The following PCDHGB1 variants were observed in gnomAD, a reference collection of about 807,000 sequenced individuals.
PCDHGB1 encodes the protein protocadherin gamma subfamily B, 1.
A neutral mutation model predicts 56.6 loss-of-function variants in PCDHGB1; 34 were observed. That is an observed-to-expected ratio of 0.60 (90% CI 0.46 to 0.80). The LOEUF is 0.80. PCDHGB1 is among the 30% of genes least tolerant of loss of function. The pLI is 0.00. For synonymous variants in PCDHGB1, 561 were observed against 505.9 expected, an observed-to-expected ratio of 1.11 and a Z score of -1.46; for missense variants, 1,278 against 1,204.6, an observed-to-expected ratio of 1.06 and a Z score of -0.90.
At chr5:141,376,807 C>T in intron 1 of PCDHGB1, 1 of 328,760 alleles carries the variant, frequency 3.0e-6, no homozygotes, top group Admixed American at 4.7e-5. Context: ...CTGCCTCAGC[C>T]TCCCTAGTAG....
intron 1 of PCDHGB1, among the ~76,000 whole-genome samples, chr5:141,471,118 A>G (rs58897068): frequency 0.11 from 15,938 of 141,604 alleles, 871 homozygotes; most frequent in South Asian, 0.16. Flanking sequence ...GTGCGATCTT[A>G]CCTTCACTGC....
intron 3 of PCDHGB1, among the ~76,000 whole-genome samples, chr5:141,509,420 G>A (rs1384424118): frequency 6.6e-6 from 1 of 152,128 alleles, no homozygotes; most frequent in East Asian, 1.9e-4. Context: ...GAGCCCCAAT[G>A]AGTCAAACTC....
chr5:141,461,510 G>T (rs2099016853), intron 1 of PCDHGB1, among the ~76,000 whole-genome samples: 1 of 152,014 alleles, frequency 6.6e-6, no homozygotes, highest in Non-Finnish European at 1.5e-5. Context: ...TTGGTGATTT[G>T]TTAGTTCCTT....
rs762443906 is a variant in PCDHGB1, at chr5:141,374,173, G to C, written c.2409+21504G>C. The C allele has an allele frequency of 3.1e-6, 5 of 1,613,352 alleles. No homozygotes were observed. The South Asian group carries it at 4.4e-5, about 14-fold the overall frequency. ...CGCTGTGGGGGGCCGCGGCAGCGCA[G>C]ATCCGCTACTCTATTCCCGAGGAGC... On this transcript the variant is annotated intron_variant, in intron 1 of 3. Coordinates refer to ENST00000523390, the MANE Select transcript of PCDHGB1 (RefSeq NM_018922.3).
Position 141,485,967 on chromosome 5 carries a change from A to G in PCDHGB1, c.2410-8840A>G, listed in dbSNP as rs751904053. 2.5e-6 allele frequency: 4 copies of G among 1,614,194 alleles called. No individual in the cohort carries two copies. The South Asian group carries it at 4.4e-5, about 18-fold the overall frequency. On this transcript the variant is annotated intron_variant, in intron 1 of 3. Transcript: ENST00000523390. This position sits in a 1 kb window ranked among gnomAD's most constrained non-coding sequence, Gnocchi z 5.7. The stretch of plus-strand genomic sequence containing the variant: ...GCGGGCATGGTGCTCATCCAGCTCA[A>G]TGCCTCAGACCCGGACCTGGGTCCC...
At chr5:141,386,634 G>A (rs1351043708) in intron 1 of PCDHGB1, among the ~76,000 whole-genome samples, 2 of 151,884 alleles carry the variant, frequency 1.3e-5, no homozygotes, top group Non-Finnish European at 2.9e-5. Context: ...CTGTCACCCA[G>A]GCTGGATACA....
Position 141,385,179 on chromosome 5 carries a change from C to T in PCDHGB1, c.2409+32510C>T, listed in dbSNP as rs1270655942. The T allele has an allele frequency of 7.4e-6, 12 of 1,614,194 alleles. No homozygotes were observed. In the South Asian group the frequency reaches 1.2e-4, roughly 16 times the overall value. On this transcript the variant is annotated intron_variant, in intron 1 of 3. Transcript: ENST00000523390. ...CCTATTCCCATGAGGTCTCCCTCAC[C>T]GCGGACTCTCGGAAGAGTCACCTGA...
At chr5:141,434,364 A>G (rs1023051594) in intron 1 of PCDHGB1, among the ~76,000 whole-genome samples, 1 of 152,208 alleles carries the variant, frequency 6.6e-6, no homozygotes, top group Non-Finnish European at 1.5e-5. Context: ...AAATCTGGCC[A>G]TAAACTGGCC....
intron 1 of PCDHGB1, chr5:141,385,444 G>C: frequency 6.9e-7 from 1 of 1,448,588 alleles, no homozygotes; most frequent in East Asian, 2.5e-5. Context: ...GTAAAAATGA[G>C]TTTACCAGTT....
chr5:141,472,065 G>C lies in PCDHGB1; in HGVS notation c.2410-22742G>C, dbSNP rs115025688. Among the ~76,000 whole-genome samples the C allele has an allele frequency of 1.7e-3, 265 of 152,218 alleles. 1 individual carries two copies. Among genetic ancestry groups the C allele is most frequent in the Middle Eastern group, 3.4e-3 (1 of 294 alleles). On this transcript the variant is annotated intron_variant, in intron 1 of 3. Coordinates refer to ENST00000523390, the MANE Select transcript of PCDHGB1 (RefSeq NM_018922.3). ...GATTTTAAAAATGATTGACATGTCT[G>C]TGGTTATATCAATGAGTACTATTAT...
intron 1 of PCDHGB1, chr5:141,384,930 C>G (rs764481830): frequency 6.2e-7 from 1 of 1,614,060 alleles, no homozygotes; most frequent in Admixed American, 1.7e-5. Context: ...ACCTGGGCAG[C>G]CTTGAGCCCT....
chr5:141,444,565 C>G (rs2098441175), intron 1 of PCDHGB1, among the ~76,000 whole-genome samples: 1 of 152,124 alleles, frequency 6.6e-6, no homozygotes, highest in Non-Finnish European at 1.5e-5. Flanking sequence ...TTATTTGACA[C>G]TTTTGACTCT....
At chr5:141,421,844 A>C (rs1261967247) in intron 1 of PCDHGB1, 2 of 1,613,740 alleles carry the variant, frequency 1.2e-6, no homozygotes, top group East Asian at 4.5e-5. Context: ...CGAGAGAAAG[A>C]GGCTGCTCAC....
chr5:141,428,115 G>A (rs753384738), intron 1 of PCDHGB1: 2 of 1,607,178 alleles, frequency 1.2e-6, no homozygotes, highest in Non-Finnish European at 8.5e-7. Flanking sequence ...GCAGGCCATC[G>A]AGCCCGGGCT....
chr5:141,430,485 G>T (rs926788879), intron 1 of PCDHGB1: 2 of 252,972 alleles, frequency 7.9e-6, no homozygotes, highest in Non-Finnish European at 7.4e-6. Flanking sequence ...ATATAAAAAC[G>T]AAATATCCTT....
chr5:141,460,582 G>A (rs1246329967), intron 1 of PCDHGB1, among the ~76,000 whole-genome samples: 2 of 152,022 alleles, frequency 1.3e-5, no homozygotes, highest in South Asian at 4.1e-4. Context: ...GTAGGTGTGG[G>A]TTTTTTCTGG....
At chr5:141,399,836 T>C (rs2093900703) in intron 1 of PCDHGB1, 2 of 1,613,080 alleles carry the variant, frequency 1.2e-6, no homozygotes, top group East Asian at 2.2e-5. Context: ...GGCTCTGCGC[T>C]CTTCGATATG....
At position 141,431,262 on chromosome 5, in the gene PCDHGB1, A is replaced by G. The variant is rs371663018; in HGVS notation, c.2410-63545A>G. The stretch of plus-strand genomic sequence containing the variant: ...CCGGATATCGGGAAGAACTCTCTGC[A>G]GAGCTACGAGCTCAGCCCGAACACT... On this transcript the variant is annotated intron_variant, in intron 1 of 3. Coordinates refer to ENST00000523390, the MANE Select transcript of PCDHGB1 (RefSeq NM_018922.3). The surrounding 1 kb of genome is among the most constrained non-coding windows in gnomAD (Gnocchi z 4.8). The G allele has an allele frequency of 2.6e-5, 42 of 1,614,184 alleles. No homozygotes were observed. In the African/African-American group the frequency reaches 2.7e-4, roughly 10 times the overall value.
In PCDHGB1 at chr5:141,487,237, T is replaced by A. The variant is rs1327004790; in HGVS notation, c.2410-7570T>A. 1.2e-6 allele frequency: 2 copies of A among 1,614,122 alleles called. No individual in the cohort carries two copies. The highest frequency in any genetic ancestry group is 1.7e-6 in the Non-Finnish European group (2 of 1,179,980). On this transcript the variant is annotated intron_variant, in intron 1 of 3. Coordinates refer to ENST00000523390, the MANE Select transcript of PCDHGB1 (RefSeq NM_018922.3). This position sits in a 1 kb window ranked among gnomAD's most constrained non-coding sequence, Gnocchi z 5.0. ...CAGCTCCAAGGGAAGGAGAATCTCGTCTAACCCTCTACTTGGCTGTGTCCC... is the reference window on the plus strand; with the variant it reads ...CAGCTCCAAGGGAAGGAGAATCTCGACTAACCCTCTACTTGGCTGTGTCCC...
Sources: allele counts gnomAD v4.1 joint callset (sites outside exome capture counted in the v4.1 genomes callset), GRCh38; gene constraint gnomAD v4.1.1; non-coding constraint Gnocchi (gnomAD v3.1); transcripts MANE v1.5; gene names NCBI Gene and HGNC (gene_info 2026-07-23, HGNC 2026-07-21).